Variants in MEF2C observed in about 807,000 individuals in gnomAD.
MEF2C encodes myocyte enhancer factor 2C.
Under a neutral mutation model 50.5 loss-of-function variants are expected in MEF2C, and 6 were observed. That is an observed-to-expected ratio of 0.12 (90% CI 0.07 to 0.23). The LOEUF is 0.23. Ranked by LOEUF, MEF2C falls within the 10% of genes least tolerant of loss-of-function variation. MEF2C has a pLI of 1.00. For synonymous variants in MEF2C, 183 were observed against 228.0 expected (o/e 0.80, Z 1.78); for missense variants, 276 against 605.0 (o/e 0.46, Z 5.70).
intron 2 of MEF2C, among the ~76,000 whole-genome samples, chr5:88,814,256 T>C (rs1393885113): frequency 6.6e-6 from 1 of 151,976 alleles, no homozygotes; most frequent in Non-Finnish European, 1.5e-5. Context: ...CAGTCTGTCA[T>C]TAGAAAGGCT....
At chr5:88,871,741 C>T (rs1033984041) in intron 1 of MEF2C, among the ~76,000 whole-genome samples, 3 of 151,972 alleles carry the variant, frequency 2.0e-5, no homozygotes, top group Non-Finnish European at 2.9e-5. Flanking sequence ...AATTTGTTTG[C>T]GTTATCAGAA....
intron 6 of MEF2C, chr5:88,734,575 T>TTTTTTTTTTTG (rs1763228258): frequency 1.1e-6 from 1 of 898,414 alleles, no homozygotes; most frequent in South Asian, 5.1e-5. Flanking sequence ...GTTTTTTTTT[T>TTTTTTTTTTTG]TTTTTTTTTT....
At chr5:88,879,379 A>G (rs1453258689) in intron 1 of MEF2C, among the ~76,000 whole-genome samples, 1 of 103,388 alleles carries the variant, frequency 9.7e-6, no homozygotes, top group Non-Finnish European at 1.9e-5. Flanking sequence ...TGAAATATAT[A>G]TATTATATAT....
intron 1 of MEF2C, among the ~76,000 whole-genome samples, chr5:88,894,520 TAC>T (rs1235100347): frequency 6.6e-6 from 1 of 152,226 alleles, no homozygotes; most frequent in African/African-American, 2.4e-5. Context: ...AGGGATTTGC[TAC>T]ACAGTCTTAA....
chr5:88,758,257 C>T (rs765502959), intron 4 of MEF2C, among the ~76,000 whole-genome samples: 7 of 152,130 alleles, frequency 4.6e-5, no homozygotes, highest in African/African-American at 7.2e-5. Context: ...TCCACTTCCT[C>T]CCTTCCCTTT....
chr5:88,775,144 G>A (rs1386678438), intron 3 of MEF2C, among the ~76,000 whole-genome samples: 1 of 152,176 alleles, frequency 6.6e-6, no homozygotes, highest in South Asian at 2.1e-4. Flanking sequence ...AAAATAATCA[G>A]AGTATTTCTA....
intron 6 of MEF2C, 102 bp from the exon 7 acceptor site, chr5:88,732,003 A>G (rs2152282778): frequency 1.9e-6 from 2 of 1,074,346 alleles, no homozygotes; most frequent in East Asian, 5.2e-5. Flanking sequence ...TAATGGTAAG[A>G]CGTACATTGC....
At chr5:88,787,063 A>G (rs1360626073) in intron 3 of MEF2C, among the ~76,000 whole-genome samples, 2 of 152,196 alleles carry the variant, frequency 1.3e-5, no homozygotes, top group Non-Finnish European at 1.5e-5. Flanking sequence ...TCTGTCCACC[A>G]TGGACTGCTA....
intron 1 of MEF2C, among the ~76,000 whole-genome samples, chr5:88,848,053 G>A (rs1473054285): frequency 1.3e-5 from 2 of 152,128 alleles, no homozygotes; most frequent in Non-Finnish European, 2.9e-5. Context: ...TTACAACTAT[G>A]CTTACAACTA....
At chr5:88,821,660 T>C (rs1020559254) in intron 2 of MEF2C, among the ~76,000 whole-genome samples, 1 of 151,790 alleles carries the variant, frequency 6.6e-6, no homozygotes, top group Non-Finnish European at 1.5e-5. Context: ...GAAGGACACA[T>C]TTTGCATGTT....
chr5:88,842,608 TTACAGTAAA>T (rs1435996269), intron 1 of MEF2C, among the ~76,000 whole-genome samples: 3 of 151,148 alleles, frequency 2.0e-5, no homozygotes, highest in Non-Finnish European at 4.4e-5. Flanking sequence ...AGCCACAAAG[TTACAGTAAA>T]TAAAGAAATG....
At chr5:88,862,257 T>C (rs1825752517) in intron 1 of MEF2C, among the ~76,000 whole-genome samples, 1 of 152,222 alleles carries the variant, frequency 6.6e-6, no homozygotes, top group African/African-American at 2.4e-5. Context: ...TTTGTGGAAC[T>C]AGTATTTTTA....
upstream of MEF2C, among the ~76,000 whole-genome samples, chr5:88,887,925 AAG>A (rs1834171330): frequency 6.6e-6 from 1 of 152,258 alleles, no homozygotes; most frequent in African/African-American, 2.4e-5. Flanking sequence ...ACACATATCT[AAG>A]GATTCTATGT....
intron 6 of MEF2C, chr5:88,734,794 G>T: frequency 1.0e-6 from 1 of 979,590 alleles, no homozygotes; most frequent in Non-Finnish European, 1.2e-6. Flanking sequence ...AATATTTCCT[G>T]TTATTTGGAA....
chr5:88,839,379 CTATG>C (rs1348883344), intron 1 of MEF2C: 1 of 151,428 alleles, frequency 6.6e-6, no homozygotes, highest in Non-Finnish European at 1.5e-5. Context: ...ACCTACCTAC[CTATG>C]TAAGACTGAC....
chr5:88,879,552 G>GT (rs1475135174), intron 1 of MEF2C, among the ~76,000 whole-genome samples: 1 of 151,950 alleles, frequency 6.6e-6, no homozygotes, highest in African/African-American at 2.4e-5. Flanking sequence ...AATAACATGA[G>GT]TGTATGTTTT....
At chr5:88,727,931 C>T (rs1164885293) in intron 10 of MEF2C, among the ~76,000 whole-genome samples, 1 of 151,866 alleles carries the variant, frequency 6.6e-6, no homozygotes, top group Non-Finnish European at 1.5e-5. Flanking sequence ...CCTCTGACTA[C>T]ATAAAACAAA....
intron 2 of MEF2C, chr5:88,817,807 C>T (rs1204946757): frequency 6.6e-6 from 1 of 151,950 alleles, no homozygotes; most frequent in Non-Finnish European, 1.5e-5. Flanking sequence ...GGGCTTACCT[C>T]TCCTATCCTT....
intron 3 of MEF2C, among the ~76,000 whole-genome samples, chr5:88,769,307 T>G (rs1363613599): frequency 1.3e-5 from 2 of 152,186 alleles, no homozygotes; most frequent in African/African-American, 4.8e-5. Context: ...TTGGTCTTAT[T>G]CTGGGCCAAC....
Sources: allele counts gnomAD v4.1 joint callset (sites outside exome capture counted in the v4.1 genomes callset), GRCh38; gene constraint gnomAD v4.1.1; transcripts MANE v1.5; gene names NCBI Gene and HGNC (gene_info 2026-07-23, HGNC 2026-07-21).